The following PLEC variants were observed in gnomAD, a reference collection of about 807,000 sequenced individuals.
PLEC encodes the protein hemidesmosomal protein 1.
A neutral mutation model predicts 392.8 loss-of-function variants in PLEC; 216 were observed. That is an observed-to-expected ratio of 0.55 (90% CI 0.49 to 0.62). PLEC has a LOEUF of 0.62. PLEC is among the 20% of genes least tolerant of loss of function. The probability of loss-of-function intolerance (pLI) is 0.00; values close to 1 mark genes in which losing one functional copy is unlikely to be tolerated. For synonymous variants in PLEC, 3,621 were observed against 2,980.6 expected (o/e 1.21, Z -7.00); for missense variants, 6,863 against 6,563.4 (o/e 1.05, Z -1.58).
At chr8:143,955,698 C>A (rs1832550794), upstream of PLEC, among the ~76,000 whole-genome samples, 1 of 151,880 alleles carries the variant, frequency 6.6e-6, no homozygotes, top group Admixed American at 6.6e-5. Flanking sequence ...CTCCTGGGCT[C>A]AAGCGATGCC....
In PLEC at chr8:143,950,315, G is replaced by A. The variant is rs560175252; in HGVS notation, c.392C>T (p.Pro131Leu). ...GACCCGCTGCTCCTCCGTCGGCAGC[G>A]GCCCCCGCTTGGGTGGGGAGCCCAG... Residue 131 changes from proline (P) to leucine (L), a missense_variant, in exon 1 of 32, where the codon CCG (proline) becomes CTG (leucine). Transcript: ENST00000322810. 30 of 1,572,862 alleles carry A rather than the reference G, an allele frequency of 1.9e-5. No homozygotes were observed. The highest frequency in any genetic ancestry group is 1.1e-4 in the Admixed American group (6 of 52,888).
At chr8:143,944,032 T>C (rs1831024406), upstream of PLEC, 2 of 1,314,324 alleles carry the variant, frequency 1.5e-6, no homozygotes, top group East Asian at 2.6e-5. Context: ...GACCGCCCCA[T>C]ACGCGGCGGC....
intron 19 of PLEC, among the ~76,000 whole-genome samples, chr8:143,931,166 G>A (rs1486958825): frequency 6.6e-6 from 1 of 152,180 alleles, no homozygotes; most frequent in Non-Finnish European, 1.5e-5. Flanking sequence ...ACAGCACAAG[G>A]GCTGGCGGCA....
chr8:143,928,998 C>T, intron 25 of PLEC, 105 bp downstream of exon 25: 1 of 1,048,756 alleles, frequency 9.5e-7, no homozygotes, highest in Non-Finnish European at 1.4e-6. Context: ...GATCTCTGAA[C>T]AGCCCCCAAC....
rs1554709010 is a variant in PLEC, at chr8:143,927,934, C to T, written c.3319G>A (p.Ala1107Thr). Residue 1107 changes from alanine (A) to threonine (T), a missense_variant, in exon 26 of 32, where the codon GCC becomes ACC. Transcript: ENST00000345136. ...GTQGAEEVLR[A>T]HEEQLKEAQA... ...GCCTCCTTGAGCTGCTCCTCGTGGG[C>T]CCTGAGCACCTCCTCGGCCCCCTGC... The T allele has an allele frequency of 1.9e-5, 30 of 1,602,110 alleles. No homozygotes were observed. Among genetic ancestry groups the T allele is most frequent in the South Asian group, 1.1e-4 (10 of 89,538 alleles).
intron 1 of PLEC, among the ~76,000 whole-genome samples, chr8:143,972,857 G>A (rs1833500009): frequency 1.3e-5 from 2 of 152,156 alleles, no homozygotes; most frequent in African/African-American, 4.8e-5. Flanking sequence ...CCCTAGAGAG[G>A]AAGGAGGGGC....
chr8:143,919,239 C>T lies in PLEC; in HGVS notation c.10582G>A (p.Glu3528Lys). The change falls in exon 32 of 32, where the codon GAG becomes AAG. Residue 3528 changes from glutamate (E) to lysine (K), a missense_variant. Glu to Lys is a moderately conservative substitution (Grantham distance 56). Transcript: ENST00000345136. ...HENLTYRQLL[E>K]RCVEDPETGL... ...GTCTCGGGGTCCTCCACGCACCGCT[C>T]CAGCAGCTGCCTGTACGTGAGGTTC... 3.7e-6 allele frequency: 6 copies of T among 1,613,944 alleles called. No individual in the cohort carries two copies. Among genetic ancestry groups the T allele is most frequent in the Non-Finnish European group, 5.1e-6 (6 of 1,180,046 alleles).
chr8:143,975,190 G>C (rs1833615863), upstream of PLEC: 1 of 1,600,084 alleles, frequency 6.2e-7, no homozygotes, highest in African/African-American at 1.3e-5. This position sits in a 1 kb window ranked among gnomAD's most constrained non-coding sequence, Gnocchi z 9.9. Context: ...CGATGCGAAT[G>C]ACCGCCCGCT....
At chr8:143,971,680 T>G (rs1554744382) in intron 1 of PLEC, among the ~76,000 whole-genome samples, 1 of 152,146 alleles carries the variant, frequency 6.6e-6, no homozygotes, top group African/African-American at 2.4e-5. Context: ...CCTGGTGTGC[T>G]CACGGAGCCT....
chr8:143,934,727 G>A lies in PLEC; in HGVS notation c.949C>T (p.Leu317=), dbSNP rs200798987. The change falls in exon 10 of 32, where the codon CTG becomes TTG. Residue 317 remains leucine (L), a synonymous_variant. Transcript: ENST00000345136. ...TTAAACTTCAGGAACTGAGACCACA[G>A]GATCTGCCAGGGACGAGGCTGTCGG... The part of the protein sequence containing the change: ...FPSSFEEIEI[L]WSQFLKFKEM... The A allele has an allele frequency of 6.8e-6, 11 of 1,612,434 alleles. No individual in the cohort carries two copies. Among genetic ancestry groups the A allele is most frequent in the East Asian group, 2.2e-5 (1 of 44,878 alleles).
At chr8:143,959,814 G>A (rs1402040474) in intron 1 of PLEC, among the ~76,000 whole-genome samples, 1 of 151,416 alleles carries the variant, frequency 6.6e-6, no homozygotes, top group Non-Finnish European at 1.5e-5. Context: ...GGCTAACACA[G>A]TGAAACCCCA....
At chr8:143,945,246 C>G (rs1432511005) in intron 1 of PLEC, 1 of 483,004 alleles carries the variant, frequency 2.1e-6, no homozygotes, top group African/African-American at 2.0e-5. Context: ...AACCAGGGCT[C>G]AGGCCTGCGC....
chr8:143,927,809 G>A (rs371991836), intron 26 of PLEC, 43 bp from the exon 27 acceptor site: 96 of 1,579,786 alleles, frequency 6.1e-5, no homozygotes, highest in Non-Finnish European at 7.6e-5. Context: ...AGCTGGGCCC[G>A]CTGTACCCCC....
chr8:143,935,705 A>T, intron 6 of PLEC, 143 bp downstream of exon 6: 1 of 867,862 alleles, frequency 1.2e-6, no homozygotes, highest in South Asian at 1.5e-5. Flanking sequence ...TGGGCCCTGA[A>T]CTCCACCACC....
chr8:143,952,991 A>ACCC (rs782052155), upstream of PLEC, among the ~76,000 whole-genome samples: 93 of 28,288 alleles, frequency 3.3e-3, no homozygotes, highest in African/African-American at 0.011. Context: ...GGCATGCGCC[A>ACCC]CCCCCCCCCG....
chr8:143,918,328 C>G lies in PLEC; in HGVS notation c.11493G>C (p.Lys3831Asn), dbSNP rs782112014. 31 of 1,587,262 alleles carry G rather than the reference C, an allele frequency of 2.0e-5. No homozygotes were observed. Among genetic ancestry groups the G allele is most frequent in the Non-Finnish European group, 2.4e-5 (28 of 1,174,002 alleles). ...GCTCTGACAGCTGGTCGTGCGTGTC[C>G]TTGTTGAGGTAGCCACGCTGGTAAG... ...EVAYQRGYLN[K>N]DTHDQLSEPS... Residue 3831 changes from lysine to asparagine, a missense_variant, in exon 32 of 32, where the codon AAG becomes AAC. Transcript: ENST00000345136.
At chr8:143,946,221 G>A in intron 1 of PLEC, 1 of 579,470 alleles carries the variant, frequency 1.7e-6, no homozygotes, top group South Asian at 1.8e-5. Context: ...TCCGAGAGGG[G>A]GCTGTGCCTA....
At position 143,946,097 on chromosome 8, in the gene PLEC, C is replaced by A. The variant is rs1311903011; in HGVS notation, c.523+4087G>T. 2.0e-5 allele frequency among the ~76,000 whole-genome samples: 3 copies of A among 152,268 alleles called. No homozygotes were observed. The East Asian group carries it at 5.8e-4, about 29-fold the overall frequency. On this transcript the variant is annotated intron_variant, in intron 1 of 31. Coordinates refer to the PLEC transcript ENST00000322810. ...ACTCAATGGCCTGGGTGAGAACCAG[C>A]TCCTGGCGGGAGGAGTGCCCCAGGC...
chr8:143,953,828 C>T (rs1321423758), upstream of PLEC: 3 of 1,606,692 alleles, frequency 1.9e-6, no homozygotes, highest in Admixed American at 3.4e-5. Flanking sequence ...CAGCCCCGCA[C>T]CGCACTGCCC....
Sources: gnomAD v4.1 joint callset for allele counts (sites outside exome capture counted in the v4.1 genomes callset) on GRCh38, gnomAD v4.1.1 for gene constraint, Gnocchi (gnomAD v3.1) non-coding constraint, MANE v1.5 for transcripts, NCBI Gene and HGNC (gene_info 2026-07-23, HGNC 2026-07-21) for gene names.